Variants in CDK14 observed in about 807,000 individuals in gnomAD.
CDK14 encodes the protein cyclin-dependent kinase 14.
A neutral mutation model predicts 60.7 loss-of-function variants in CDK14; 34 were observed. The observed-to-expected ratio is 0.56, with a 90% CI of 0.43 to 0.75. The LOEUF (loss-of-function observed/expected upper bound fraction) is 0.75. Among genes scored for constraint, CDK14 ranks in the 30% least tolerant of loss-of-function variants. The pLI is 0.00. For synonymous variants in CDK14, 197 were observed against 203.7 expected (o/e 0.97, Z 0.28); for missense variants, 482 against 564.1 (o/e 0.85, Z 1.47).
At chr7:91,201,467 A>G (rs750813352) in intron 14 of CDK14, among the ~76,000 whole-genome samples, 1 of 151,858 alleles carries the variant, frequency 6.6e-6, no homozygotes, top group Non-Finnish European at 1.5e-5. Context: ...TTAGAGGGGG[A>G]AAAAATGTGC....
intron 7 of CDK14, among the ~76,000 whole-genome samples, chr7:90,910,369 G>A (rs1284572762): frequency 1.3e-5 from 2 of 152,086 alleles, no homozygotes; most frequent in Non-Finnish European, 2.9e-5. Context: ...TGAAGACCTA[G>A]TATTGCAGTT....
At chr7:90,713,911 A>T (rs1802150905) in intron 2 of CDK14, among the ~76,000 whole-genome samples, 1 of 152,042 alleles carries the variant, frequency 6.6e-6, no homozygotes, top group African/African-American at 2.4e-5. Flanking sequence ...CACCTTTCTT[A>T]TGAGGTTGTT....
At chr7:90,768,706 A>G (rs1209699934) in intron 4 of CDK14, among the ~76,000 whole-genome samples, 1 of 152,218 alleles carries the variant, frequency 6.6e-6, no homozygotes, top group Non-Finnish European at 1.5e-5. Context: ...ACAACTAAGC[A>G]ATTGTGTTCT....
At chr7:91,030,385 A>G (rs981940335) in intron 10 of CDK14, among the ~76,000 whole-genome samples, 1 of 152,148 alleles carries the variant, frequency 6.6e-6, no homozygotes, top group Non-Finnish European at 1.5e-5. Context: ...TCTGACCTAC[A>G]TATTCCCAAT....
At chr7:90,610,247 G>A (rs771969401) in intron 2 of CDK14, among the ~76,000 whole-genome samples, 1 of 152,060 alleles carries the variant, frequency 6.6e-6, no homozygotes, top group Non-Finnish European at 1.5e-5. Flanking sequence ...TGTAATGTAC[G>A]CTGCCAGCCC....
At chr7:90,924,797 C>CT (rs959002191) in intron 8 of CDK14, among the ~76,000 whole-genome samples, 1 of 151,108 alleles carries the variant, frequency 6.6e-6, no homozygotes, top group African/African-American at 2.4e-5. Context: ...TCCCTAGTTT[C>CT]TTTTTTAAAA....
At chr7:90,970,785 T>C (rs1362157466) in intron 9 of CDK14, among the ~76,000 whole-genome samples, 1 of 151,980 alleles carries the variant, frequency 6.6e-6, no homozygotes, top group Non-Finnish European at 1.5e-5. Flanking sequence ...AGTTCAGGTA[T>C]TTTGGTGAAA....
intron 14 of CDK14, among the ~76,000 whole-genome samples, chr7:91,160,168 A>G (rs1801124458): frequency 6.6e-6 from 1 of 152,204 alleles, no homozygotes; most frequent in Non-Finnish European, 1.5e-5. Flanking sequence ...GAGAAAATGA[A>G]GATGAAAGAA....
chr7:90,601,866 C>T (rs1799320706), intron 1 of CDK14, among the ~76,000 whole-genome samples: 1 of 152,148 alleles, frequency 6.6e-6, no homozygotes, highest in Non-Finnish European at 1.5e-5. Context: ...GATCCTCCCA[C>T]CTCAGCCTCC....
chr7:90,813,684 G>T (rs1299601231), intron 5 of CDK14, among the ~76,000 whole-genome samples: 1 of 152,136 alleles, frequency 6.6e-6, no homozygotes, highest in Non-Finnish European at 1.5e-5. Flanking sequence ...AGGAGGCAGA[G>T]GTTGCAGTGA....
At chr7:90,824,822 TATG>T (rs1267324984) in intron 5 of CDK14, 5 of 152,206 alleles carry the variant, frequency 3.3e-5, no homozygotes, top group South Asian at 2.1e-4. Flanking sequence ...GTAATAATAA[TATG>T]ATGATATAGC....
At chr7:90,899,782 A>G (rs994346183) in intron 7 of CDK14, among the ~76,000 whole-genome samples, 13 of 152,138 alleles carry the variant, frequency 8.5e-5, no homozygotes, top group African/African-American at 2.7e-4. Context: ...ATGTACAAGC[A>G]TATTCTACTT....
intron 12 of CDK14, among the ~76,000 whole-genome samples, chr7:91,097,337 C>G (rs966377840): frequency 1.3e-5 from 2 of 151,742 alleles, no homozygotes; most frequent in African/African-American, 4.8e-5. Flanking sequence ...GCCAAAATCG[C>G]ACCATTGCAC....
rs192986061 is a variant in CDK14 at position 91,198,244 on chromosome 7, G to T, written c.*29-8921G>T. Among the ~76,000 whole-genome samples, 165 of 152,274 alleles carry T rather than the reference G, an allele frequency of 1.1e-3. No homozygotes were observed. In the Middle Eastern group the frequency reaches 0.014, roughly 13 times the overall value. On this transcript the variant is annotated intron_variant, in intron 14 of 14. Coordinates refer to ENST00000380050, the MANE Select transcript of CDK14 (RefSeq NM_001287135.2). ...TCAGCAGAATACTACAGTAAAAGTT[G>T]CAGGGCTTTTGTGGTGGGGGGGAAA... is the stretch of plus-strand genomic sequence containing the variant.
chr7:91,128,279 C>T (rs1800011725), intron 14 of CDK14, among the ~76,000 whole-genome samples: 1 of 152,154 alleles, frequency 6.6e-6, no homozygotes, highest in Non-Finnish European at 1.5e-5. Flanking sequence ...TAGTCCAAAA[C>T]ACTGGTGCAA....
At chr7:91,177,405 A>G (rs1801808768) in intron 14 of CDK14, among the ~76,000 whole-genome samples, 1 of 151,452 alleles carries the variant, frequency 6.6e-6, no homozygotes, top group Non-Finnish European at 1.5e-5. Flanking sequence ...GGCACAAGAC[A>G]GGGATACCCT....
At chr7:91,100,206 G>C (rs1010786221) in intron 12 of CDK14, among the ~76,000 whole-genome samples, 36 of 152,074 alleles carry the variant, frequency 2.4e-4, no homozygotes, top group Non-Finnish European at 2.9e-4. Context: ...ATAAATCATA[G>C]GAGAAGTTTT....
In CDK14 at chr7:91,178,806, C is replaced by G. The variant is rs546461682; in HGVS notation, c.*29-28359C>G. On this transcript the variant is annotated intron_variant, in intron 14 of 14. Coordinates refer to ENST00000380050, the MANE Select transcript of CDK14 (RefSeq NM_001287135.2). ...TGGCAATCATTAAAAAGTCAGGAAACAACAGGTGCTGGAGAGGATGTGGAG... is the reference window on the plus strand; with the variant it reads ...TGGCAATCATTAAAAAGTCAGGAAAGAACAGGTGCTGGAGAGGATGTGGAG... 8.0e-3 allele frequency among the ~76,000 whole-genome samples: 1,217 copies of G among 151,666 alleles called. 9 individuals are homozygous for G. Among genetic ancestry groups the G allele is most frequent in the African/African-American group, 0.026 (1,094 of 41,332 alleles).
At position 90,860,478 on chromosome 7, in the gene CDK14, G is replaced by A. The variant is rs145233298; in HGVS notation, c.545-2697G>A. 4.4e-3 allele frequency among the ~76,000 whole-genome samples: 665 copies of A among 150,518 alleles called. 2 individuals are homozygous for A. The highest frequency in any genetic ancestry group is 6.8e-3 in the South Asian group (32 of 4,718). On this transcript the variant is annotated intron_variant, in intron 5 of 14. Coordinates refer to ENST00000380050, the MANE Select transcript of CDK14 (RefSeq NM_001287135.2). ...TTAATCTAAAATTTCTTTAAGATGA[G>A]CAGTGTTGCAAAGAATCTGATTATG...
Sources: gnomAD v4.1 joint callset for allele counts (sites outside exome capture counted in the v4.1 genomes callset) on GRCh38, gnomAD v4.1.1 for gene constraint, MANE v1.5 for transcripts, NCBI Gene and HGNC (gene_info 2026-07-23, HGNC 2026-07-21) for gene names.